Variants in IGFL2 observed in about 807,000 individuals in gnomAD.
The protein encoded by IGFL2 is insulin growth factor-like family member 2.
Under a neutral mutation model 13.9 loss-of-function variants are expected in IGFL2, and 7 were observed. The ratio of observed to expected loss-of-function variants is 0.51; its 90% CI spans 0.29 to 0.95. The LOEUF is 0.95. Ranked by LOEUF, IGFL2 falls within the 40% of genes least tolerant of loss-of-function variation. The probability of loss-of-function intolerance (pLI) is 0.08; values close to 1 mark genes in which losing one functional copy is unlikely to be tolerated. For synonymous variants in IGFL2, 55 were observed against 55.8 expected (o/e 0.99, Z 0.07); for missense variants, 138 against 147.8 (o/e 0.93, Z 0.34).
chr19:46,187,406 A>C, the IGFL2 span, among the ~76,000 whole-genome samples: 1 of 146,774 alleles, frequency 6.8e-6, no homozygotes, highest in Admixed American at 6.7e-5. Context: ...AGAGACGGTG[A>C]GCATTAACCC....
chr19:46,195,811 T>C, the IGFL2 span: 1 of 152,236 alleles, frequency 6.6e-6, no homozygotes, highest in Non-Finnish European at 1.5e-5. Flanking sequence ...CCTCTTCCGC[T>C]GTCCTGGGCC....
At chr19:46,200,721 A>G in the IGFL2 span, 3 of 151,478 alleles carry the variant, frequency 2.0e-5, no homozygotes, top group African/African-American at 7.3e-5. Context: ...GGATTTTGCC[A>G]TGTTGCCCAG....
At chr19:46,206,474 T>G in the IGFL2 span, among the ~76,000 whole-genome samples, 8 of 152,216 alleles carry the variant, frequency 5.3e-5, no homozygotes, top group African/African-American at 1.9e-4. Flanking sequence ...TCTGAACTCT[T>G]TGTGTGTGTG....
the IGFL2 span, among the ~76,000 whole-genome samples, chr19:46,084,486 A>T: frequency 3.3e-5 from 5 of 152,154 alleles, no homozygotes; most frequent in Admixed American, 6.5e-5. Flanking sequence ...GGCCATTCCT[A>T]CATTGCCATA....
At chr19:46,143,978 C>T (rs1039752883), upstream of IGFL2, among the ~76,000 whole-genome samples, 1 of 152,222 alleles carries the variant, frequency 6.6e-6, no homozygotes, top group Non-Finnish European at 1.5e-5. Context: ...AACCTGTGGG[C>T]CCACCTCTCA....
downstream of IGFL2, among the ~76,000 whole-genome samples, chr19:46,165,687 G>A (rs758173426): frequency 3.3e-5 from 5 of 152,232 alleles, no homozygotes; most frequent in Non-Finnish European, 7.3e-5. Flanking sequence ...GTACAGAGGT[G>A]GCTTGTCACG....
chr19:46,186,685 G>T, the IGFL2 span, among the ~76,000 whole-genome samples: 5 of 152,214 alleles, frequency 3.3e-5, no homozygotes, highest in Non-Finnish European at 7.3e-5. Flanking sequence ...AAGAAGGAAG[G>T]CTTTTCAGCA....
At chr19:46,172,340 A>G in the IGFL2 span, among the ~76,000 whole-genome samples, 10 of 152,298 alleles carry the variant, frequency 6.6e-5, no homozygotes, top group Admixed American at 2.6e-4. Flanking sequence ...CCATTGTAAA[A>G]CATGGGAAAA....
At chr19:46,172,370 G>A in the IGFL2 span, among the ~76,000 whole-genome samples, 3 of 152,172 alleles carry the variant, frequency 2.0e-5, no homozygotes, top group Non-Finnish European at 4.4e-5. Flanking sequence ...TCCATTACAG[G>A]AAGGACTCCT....
upstream of IGFL2, among the ~76,000 whole-genome samples, chr19:46,142,038 C>T (rs1457094360): frequency 1.3e-5 from 2 of 152,140 alleles, no homozygotes; most frequent in Non-Finnish European, 2.9e-5. Flanking sequence ...TCTCATAATT[C>T]TCTCTCATGA....
chr19:46,194,445 T>G, the IGFL2 span, among the ~76,000 whole-genome samples: 1 of 152,130 alleles, frequency 6.6e-6, no homozygotes, highest in Non-Finnish European at 1.5e-5. Flanking sequence ...ATTTTAACTT[T>G]CATCACTCAT....
At chr19:46,208,388 G>A in the IGFL2 span, 1 of 152,162 alleles carries the variant, frequency 6.6e-6, no homozygotes, top group Non-Finnish European at 1.5e-5. Context: ...CACGCCCTGG[G>A]CTAGTGTGGC....
chr19:46,194,085 T>G, the IGFL2 span, among the ~76,000 whole-genome samples: 1 of 152,222 alleles, frequency 6.6e-6, no homozygotes, highest in South Asian at 2.1e-4. Context: ...AATGGGGAGC[T>G]GGGCTCTACG....
the IGFL2 span, among the ~76,000 whole-genome samples, chr19:46,118,166 A>G: frequency 6.6e-6 from 1 of 152,334 alleles, no homozygotes; most frequent in Admixed American, 6.5e-5. Flanking sequence ...TTAACATTAA[A>G]CCACCGATAG....
the IGFL2 span, among the ~76,000 whole-genome samples, chr19:46,129,982 T>C: frequency 3.3e-5 from 5 of 152,176 alleles, no homozygotes; most frequent in Non-Finnish European, 5.9e-5. Context: ...CCACTATTAT[T>C]GTATGGATGT....
chr19:46,177,413 T>C, the IGFL2 span, among the ~76,000 whole-genome samples: 3 of 152,282 alleles, frequency 2.0e-5, no homozygotes, highest in Non-Finnish European at 2.9e-5. Context: ...ACAGATAGTT[T>C]ACTTAATCCT....
At chr19:46,081,689 G>A in the IGFL2 span, among the ~76,000 whole-genome samples, 6 of 152,174 alleles carry the variant, frequency 3.9e-5, no homozygotes, top group African/African-American at 7.2e-5. Context: ...CCTCTGCACA[G>A]TTCTTCTTTG....
upstream of IGFL2, among the ~76,000 whole-genome samples, chr19:46,141,715 A>G (rs1972867260): frequency 6.6e-6 from 1 of 151,772 alleles, no homozygotes; most frequent in Non-Finnish European, 1.5e-5. Flanking sequence ...CCTTCTCCCC[A>G]TCTTCCCACC....
the IGFL2 span, chr19:46,101,280 A>C: frequency 0.013 from 2,014 of 152,458 alleles, 28 homozygotes; most frequent in Middle Eastern, 0.027. Flanking sequence ...CTGGGGGGAA[A>C]CCCACTCATC....
Sources: gnomAD v4.1 joint callset for allele counts (sites outside exome capture counted in the v4.1 genomes callset) on GRCh38, gnomAD v4.1.1 for gene constraint, MANE v1.5 for transcripts, NCBI Gene and HGNC (gene_info 2026-07-23, HGNC 2026-07-21) for gene names.